HOMEZ: variants seen among roughly 807,000 people sequenced by gnomAD.
HOMEZ encodes the protein homeobox and leucine zipper encoding.
HOMEZ carries 20 observed loss-of-function variants against 50.1 expected under a neutral mutation model. That is an observed-to-expected ratio of 0.40 (90% confidence interval 0.28 to 0.58). The LOEUF is 0.58. Ranked by LOEUF, HOMEZ falls within the 20% of genes least tolerant of loss-of-function variation. HOMEZ has a pLI of 0.46. For synonymous variants in HOMEZ, 239 were observed against 254.7 expected (o/e 0.94, Z 0.59); for missense variants, 579 against 680.5 (o/e 0.85, Z 1.66).
At position 23,286,041 on chromosome 14, in the gene HOMEZ, C is replaced by T; in HGVS notation, c.-89G>A. 1.6e-6 allele frequency: 2 copies of T among 1,232,116 alleles called. No individual in the cohort carries two copies. The highest frequency in any genetic ancestry group is 3.2e-5 in the East Asian group (1 of 31,664). The allele number at this position is 1,232,116 out of a possible 1,614,324, so 76.3% of individuals were successfully genotyped here. ...TGCGGCCGCTCCGAGCCCACCCCAG[C>T]GATGGCCGAAACCGGGACTGCCCCC... On this transcript the variant is annotated 5_prime_UTR_variant, in exon 1 of 2. Transcript: ENST00000357460.
rs1169601534 is a variant in HOMEZ at position 23,272,847 on chromosome 14, AT to A, written c.*2727del. On this transcript the variant is annotated 3_prime_UTR_variant, in exon 2 of 2. Transcript: ENST00000357460. The stretch of plus-strand genomic sequence containing the variant: ...GACTCTCTACCAACAACGGAGGCAT[AT>A]GGGATTACCCAGTGGGAGAGAAGCA... 1 of 1,549,086 alleles carries A rather than the reference AT, an allele frequency of 6.5e-7. No homozygotes were observed. The highest frequency in any genetic ancestry group is 1.4e-5 in the African/African-American group (1 of 72,996).
intron 1 of HOMEZ, 166 bp downstream of exon 1, chr14:23,285,747 T>C (rs1487390267): frequency 2.4e-6 from 1 of 417,114 alleles, no homozygotes; most frequent in African/African-American, 2.0e-5. Flanking sequence ...CACCCTCCCC[T>C]AGTTACAACA....
At chr14:23,283,313 G>A (rs1886595471) in intron 1 of HOMEZ, among the ~76,000 whole-genome samples, 1 of 151,924 alleles carries the variant, frequency 6.6e-6, no homozygotes, top group South Asian at 2.1e-4. Flanking sequence ...GAGGCAGGAG[G>A]ATCACTTGAG....
At position 23,285,651 on chromosome 14, in the gene HOMEZ, A is replaced by G. The variant is rs112123633; in HGVS notation, c.40+262T>C. The stretch of plus-strand genomic sequence containing the variant: ...AAAAAGTTATTGCACTTGGGACGAT[A>G]AGCCCCATGAGGCAGGCGAATCTCA... On this transcript the variant is annotated intron_variant, in intron 1 of 1. Coordinates refer to ENST00000357460, the MANE Select transcript of HOMEZ (RefSeq NM_020834.3). 2,290 of 383,198 alleles carry G rather than the reference A, an allele frequency of 6.0e-3. 45 individuals are homozygous for G. Among genetic ancestry groups the G allele is most frequent in the African/African-American group, 0.042 (2,051 of 48,378 alleles). 23.7% of individuals were successfully genotyped at this position (383,198 alleles called of 1,614,324 possible). A position where few individuals can be genotyped will look rare whatever the true frequency, so the allele number is the denominator to read the frequency against.
chr14:23,282,471 C>A (rs893102760), intron 1 of HOMEZ, among the ~76,000 whole-genome samples: 1 of 152,034 alleles, frequency 6.6e-6, no homozygotes, highest in African/African-American at 2.4e-5. Flanking sequence ...GGAGGCACTG[C>A]TTGCATGGCC....
At position 23,274,319 on chromosome 14, in the gene HOMEZ, G is replaced by C. The variant is rs1351203536; in HGVS notation, c.*1256C>G. 1 of 152,534 alleles carries C rather than the reference G, an allele frequency of 6.6e-6. No individual in the cohort carries two copies. Among genetic ancestry groups the C allele is most frequent in the African/African-American group, 2.4e-5 (1 of 41,432 alleles). 9.4% of individuals were successfully genotyped at this position (152,534 alleles called of 1,614,324 possible). A position where few individuals can be genotyped will look rare whatever the true frequency, so the allele number is the denominator to read the frequency against. On this transcript the variant is annotated 3_prime_UTR_variant, in exon 2 of 2. Coordinates refer to ENST00000357460, the MANE Select transcript of HOMEZ (RefSeq NM_020834.3). Reference sequence around the variant, plus strand: ...TGAAAAATTAGTCTCTGTCAAGCTGGACAGGAGGTAGTTAACAGGTTTGTA... The same window carrying C: ...TGAAAAATTAGTCTCTGTCAAGCTGCACAGGAGGTAGTTAACAGGTTTGTA...
In HOMEZ at chr14:23,276,287, T is replaced by G. The variant is rs751663102; in HGVS notation, c.941A>C (p.Gln314Pro). The G allele has an allele frequency of 6.2e-7, 1 of 1,613,784 alleles. No individual in the cohort carries two copies. ...TGCCTGTTCACTGGGTGACACTGAC[T>G]GTGGGACACAGCCTAGTGGCTGGAG... ...KPLQPLGCVP[Q>P]SVSPSEQALP... The change falls in exon 2 of 2, where the codon CAG becomes CCG. Residue 314 changes from glutamine (Q) to proline (P), a missense_variant. Coordinates refer to ENST00000357460, the MANE Select transcript of HOMEZ (RefSeq NM_020834.3). This position sits in a 1 kb window ranked among gnomAD's most constrained non-coding sequence, Gnocchi z 4.1.
rs527590138 is a variant in HOMEZ at position 23,276,613 on chromosome 14, C to T, written c.615G>A (p.Leu205=). 3.1e-6 allele frequency: 5 copies of T among 1,614,030 alleles called. No homozygotes were observed. The highest frequency in any genetic ancestry group is 2.2e-5 in the South Asian group (2 of 91,088). The part of the protein sequence containing the change: ...PQSHQKLKES[L]MTPGSGAFPY... ...GGAATGCTCCACTGCCAGGTGTCATCAGGGACTCCTTTAATTTCTGGTGAC... is the reference window on the plus strand; with the variant it reads ...GGAATGCTCCACTGCCAGGTGTCATTAGGGACTCCTTTAATTTCTGGTGAC... Residue 205 remains leucine, a synonymous_variant, in exon 2 of 2, where the codon CTG becomes CTA. Transcript: ENST00000357460. This position sits in a 1 kb window ranked among gnomAD's most constrained non-coding sequence, Gnocchi z 4.1.
chr14:23,285,513 G>A (rs747476066), intron 1 of HOMEZ: 5 of 166,960 alleles, frequency 3.0e-5, no homozygotes, highest in Non-Finnish European at 6.4e-5. Context: ...AGGTCGCCAG[G>A]AGGTAGCCGT....
Position 23,276,956 on chromosome 14 carries a change from C to G in HOMEZ, c.272G>C (p.Arg91Pro). ...SLADIALLCLRYGLQMEKVKT... is the reference protein window; with the variant it reads ...SLADIALLCLPYGLQMEKVKT... ...GACTTTCTCCATCTGCAACCCATAA[C>G]GTAGGCAGAGAAGGGCAATGTCTGC... Residue 91 changes from arginine to proline, a missense_variant, in exon 2 of 2, where the codon CGT (arginine) becomes CCT (proline). By Grantham distance (103) the Arg-to-Pro change is moderately radical. Transcript: ENST00000357460. The surrounding 1 kb of genome is among the most constrained non-coding windows in gnomAD (Gnocchi z 4.1). 1 of 1,614,042 alleles carries G rather than the reference C, an allele frequency of 6.2e-7. No individual in the cohort carries two copies. The highest frequency in any genetic ancestry group is 8.5e-7 in the Non-Finnish European group (1 of 1,179,900).
At position 23,286,085 on chromosome 14, in the gene HOMEZ, G is replaced by A. The variant is rs141450432; in HGVS notation, c.-133C>T. The A allele has an allele frequency of 4.6e-4, 560 of 1,230,496 alleles. 2 individuals carry two copies. The African/African-American group carries it at 7.2e-3, about 16-fold the overall frequency. The allele number at this position is 1,230,496 out of a possible 1,614,324, so 76.2% of individuals were successfully genotyped here. The stretch of plus-strand genomic sequence containing the variant: ...TGCCCCCCCCACCGTCCCCGGGAGC[G>A]CGCCGGTCTACCCAGCCCTGCTCGA... On this transcript the variant is annotated 5_prime_UTR_variant, in exon 1 of 2. Transcript: ENST00000357460.
At chr14:23,278,033 T>C (rs1594963397) in intron 1 of HOMEZ, among the ~76,000 whole-genome samples, 1 of 152,036 alleles carries the variant, frequency 6.6e-6, no homozygotes, top group East Asian at 1.9e-4. Context: ...TTCACCGTCT[T>C]GGCCAGGCTG....
chr14:23,284,681 T>C (rs1194291012), intron 1 of HOMEZ, among the ~76,000 whole-genome samples: 1 of 152,224 alleles, frequency 6.6e-6, no homozygotes, highest in Non-Finnish European at 1.5e-5. Context: ...GTCAAATGTT[T>C]TGGAGAGACA....
intron 1 of HOMEZ, among the ~76,000 whole-genome samples, chr14:23,284,661 T>C (rs1886622850): frequency 1.3e-5 from 2 of 152,214 alleles, no homozygotes; most frequent in African/African-American, 2.4e-5. Context: ...ATTGCTCCTA[T>C]GAAAACTAAG....
At chr14:23,280,855 C>T (rs898059302) in intron 1 of HOMEZ, among the ~76,000 whole-genome samples, 10 of 149,920 alleles carry the variant, frequency 6.7e-5, no homozygotes, top group Admixed American at 1.4e-4. Context: ...CTCACTGCAA[C>T]CTCCGCCTCC....
At chr14:23,284,484 G>C (rs1056105125) in intron 1 of HOMEZ, among the ~76,000 whole-genome samples, 4 of 152,186 alleles carry the variant, frequency 2.6e-5, no homozygotes, top group African/African-American at 9.7e-5. Flanking sequence ...AAAATCATCT[G>C]CTTCATTCAG....
intron 1 of HOMEZ, among the ~76,000 whole-genome samples, chr14:23,278,569 GC>G (rs1886418724): frequency 6.6e-6 from 1 of 152,104 alleles, no homozygotes; most frequent in Non-Finnish European, 1.5e-5. Flanking sequence ...TCACTATGTG[GC>G]CTAGGCTGGT....
rs749465265 is a variant in HOMEZ at position 23,275,884 on chromosome 14, C to T, written c.1344G>A (p.Arg448=). The change falls in exon 2 of 2, where the codon AGG becomes AGA. Residue 448 remains arginine, a synonymous_variant. Transcript: ENST00000357460. ...GGATCGGCAGAGGTGGTGTCTCAGC[C>T]CTTTCGTTCAAGGAGCGGGTTGATG... is the stretch of plus-strand genomic sequence containing the variant. ...PPPSTRSLNE[R]AETPPLPIPP... is the part of the protein sequence containing the mutation. The T allele has an allele frequency of 1.2e-6, 2 of 1,600,398 alleles. No individual in the cohort carries two copies. The highest frequency in any genetic ancestry group is 1.7e-5 in the Admixed American group (1 of 59,162).
rs1886228868 is a variant in HOMEZ at position 23,273,030 on chromosome 14, T to G, written c.*2545A>C. ...CTCTGTACCTTATGCTCCCCCCATC[T>G]TTACCCTATTCACCCTTATCACCTC... On this transcript the variant is annotated 3_prime_UTR_variant, in exon 2 of 2. Coordinates refer to ENST00000357460, the MANE Select transcript of HOMEZ (RefSeq NM_020834.3). 1 of 547,064 alleles carries G rather than the reference T, an allele frequency of 1.8e-6. No homozygotes were observed. The allele number at this position is 547,064 out of a possible 1,614,324, so 33.9% of individuals were successfully genotyped here.
Sources: allele counts gnomAD v4.1 joint callset (sites outside exome capture counted in the v4.1 genomes callset), GRCh38; gene constraint gnomAD v4.1.1; non-coding constraint Gnocchi (gnomAD v3.1); transcripts MANE v1.5; gene names NCBI Gene and HGNC (gene_info 2026-07-23, HGNC 2026-07-21).